The following PACSIN2 variants were observed in gnomAD, a reference collection of about 807,000 sequenced individuals.
PACSIN2 encodes protein kinase C and casein kinase substrate in neurons 2, also known as protein kinase C and casein kinase substrate in neurons protein 2.
PACSIN2 carries 25 observed loss-of-function variants against 63.8 expected under a neutral mutation model. The ratio of observed to expected loss-of-function variants is 0.39; its 90% CI spans 0.29 to 0.55. The LOEUF (loss-of-function observed/expected upper bound fraction) is 0.55. PACSIN2 is among the 20% of genes least tolerant of loss of function. PACSIN2 has a pLI of 0.62. For missense variants in PACSIN2, 518 were observed against 646.9 expected, an observed-to-expected ratio of 0.80 and a Z score of 2.16; for synonymous variants, 255 against 256.2, an observed-to-expected ratio of 1.00 and a Z score of 0.05.
chr22:43,004,811 G>A (rs991675264), intron 1 of PACSIN2, among the ~76,000 whole-genome samples: 1 of 152,190 alleles, frequency 6.6e-6, no homozygotes, highest in Non-Finnish European at 1.5e-5. Context: ...GGCCTCCCTG[G>A]GCGCTCTGGG....
chr22:42,922,255 C>A (rs1207365900), intron 1 of PACSIN2, among the ~76,000 whole-genome samples: 6 of 152,166 alleles, frequency 3.9e-5, no homozygotes, highest in Non-Finnish European at 8.8e-5. Context: ...CTCCTTCCTC[C>A]CCTTTGGGCT....
intron 1 of PACSIN2, among the ~76,000 whole-genome samples, chr22:42,996,856 G>A (rs1396125989): frequency 1.3e-5 from 2 of 152,200 alleles, no homozygotes; most frequent in African/African-American, 4.8e-5. Flanking sequence ...CTAGGTATGA[G>A]GCCTAGGCCC....
At position 42,879,175 on chromosome 22, in the gene PACSIN2, C is replaced by G. The variant is rs1165536633; in HGVS notation, c.907-6G>C. 1.2e-6 allele frequency: 2 copies of G among 1,612,160 alleles called. No individual in the cohort carries two copies. The highest frequency in any genetic ancestry group is 2.7e-5 in the African/African-American group (2 of 74,882). On this transcript the variant is annotated splice_region_variant and splice_polypyrimidine_tract_variant and intron_variant, in intron 7 of 10. Coordinates refer to ENST00000263246, the MANE Select transcript of PACSIN2 (RefSeq NM_001184970.3). The stretch of plus-strand genomic sequence containing the variant: ...TTCAGGTCTGCGGACCACTCCTAGG[C>G]AACAGGTGCCGAGGGAGAGAAACCA...
At chr22:42,982,869 TAAA>T (rs1252040629) in intron 1 of PACSIN2, among the ~76,000 whole-genome samples, 3 of 44,010 alleles carry the variant, frequency 6.8e-5, no homozygotes, top group African/African-American at 1.4e-4. Flanking sequence ...GAATGATCAA[TAAA>T]AAAAAAAAAA....
intron 8 of PACSIN2, 36 bp downstream of exon 8, chr22:42,879,012 A>G (rs1260608608): frequency 6.3e-7 from 1 of 1,599,110 alleles, no homozygotes; most frequent in Non-Finnish European, 8.5e-7. Context: ...CCCACCATGG[A>G]ACGGCCTCTT....
At chr22:43,010,377 TA>T (rs1924384464) in intron 1 of PACSIN2, among the ~76,000 whole-genome samples, 1 of 98,862 alleles carries the variant, frequency 1.0e-5, no homozygotes, top group African/African-American at 5.0e-5. Flanking sequence ...CATCTCTGTT[TA>T]AAAATACATA....
At chr22:42,927,370 G>A (rs968232930) in intron 1 of PACSIN2, among the ~76,000 whole-genome samples, 1 of 151,714 alleles carries the variant, frequency 6.6e-6, no homozygotes, top group Non-Finnish European at 1.5e-5. Context: ...TCAGCTTCCC[G>A]AGTAGCTGGG....
chr22:42,970,313 T>G (rs1921161030), intron 1 of PACSIN2, among the ~76,000 whole-genome samples: 1 of 152,174 alleles, frequency 6.6e-6, no homozygotes, highest in Non-Finnish European at 1.5e-5. Flanking sequence ...TGTGGGACTC[T>G]CCCCAAATTC....
intron 1 of PACSIN2, among the ~76,000 whole-genome samples, chr22:42,977,983 C>T (rs1308859677): frequency 6.6e-6 from 1 of 152,180 alleles, no homozygotes. Flanking sequence ...GGTACTCATA[C>T]ATTGCTAGTA....
At chr22:42,904,503 C>T (rs1352852168) in intron 2 of PACSIN2, among the ~76,000 whole-genome samples, 11 of 152,224 alleles carry the variant, frequency 7.2e-5, no homozygotes, top group Non-Finnish European at 1.2e-4. Flanking sequence ...GGTCCCTAAG[C>T]TCGCTGAAGA....
At chr22:42,983,489 C>CAAAAAAAAAAAAAAA (rs775403003) in intron 1 of PACSIN2, among the ~76,000 whole-genome samples, 1 of 82,296 alleles carries the variant, frequency 1.2e-5, no homozygotes, top group Non-Finnish European at 2.4e-5. Flanking sequence ...GACTCCATCT[C>CAAAAAAAAAAAAAAA]AAAAAAAAAA....
intron 10 of PACSIN2, among the ~76,000 whole-genome samples, chr22:42,872,671 T>C (rs1928254158): frequency 6.6e-6 from 1 of 152,002 alleles, no homozygotes; most frequent in Admixed American, 6.6e-5. Flanking sequence ...ACCAACTGCG[T>C]CCACTCCCTG....
intron 5 of PACSIN2, among the ~76,000 whole-genome samples, chr22:42,887,045 T>C (rs531886264): frequency 1.3e-5 from 2 of 152,330 alleles, no homozygotes; most frequent in South Asian, 2.1e-4. Flanking sequence ...CCTGATTCCC[T>C]GGGATTCTGG....
Position 43,001,544 on chromosome 22 carries a change from C to A in PACSIN2, c.-78+13477G>T, listed in dbSNP as rs139254738. Among the ~76,000 whole-genome samples, 28 of 152,332 alleles carry A rather than the reference C, an allele frequency of 1.8e-4. No homozygotes were observed. The East Asian group carries it at 5.4e-3, about 29-fold the overall frequency. Reference sequence around the variant, plus strand: ...GAAGCTGGGCAGCGCCTGGCAGAGCCAGTGCAGTCAGACGAGCCCTGAAGT... The same window carrying A: ...GAAGCTGGGCAGCGCCTGGCAGAGCAAGTGCAGTCAGACGAGCCCTGAAGT... On this transcript the variant is annotated intron_variant, in intron 1 of 10. Transcript: ENST00000263246.
chr22:42,920,841 C>T (rs1022347566), intron 1 of PACSIN2, among the ~76,000 whole-genome samples: 10 of 147,322 alleles, frequency 6.8e-5, no homozygotes, highest in African/African-American at 2.0e-4. Flanking sequence ...CTCGGTCTGC[C>T]GCCCAGGCTG....
At chr22:42,912,940 G>T (rs1276951680) in intron 1 of PACSIN2, among the ~76,000 whole-genome samples, 1 of 152,214 alleles carries the variant, frequency 6.6e-6, no homozygotes, top group African/African-American at 2.4e-5. Flanking sequence ...CAACAGGAAG[G>T]GGTGAGACAG....
rs1555943703 is a variant in PACSIN2, at chr22:42,982,888, A to AAACAAC, written c.-78+32127_-78+32132dup. ...GATCAATAAAAAAAAAAAAAAAAAA[A>AAACAAC]AACAACAACAAGGCTAGGAGCAGTG... On this transcript the variant is annotated intron_variant, in intron 1 of 10. Coordinates refer to ENST00000263246, the MANE Select transcript of PACSIN2 (RefSeq NM_001184970.3). Among the ~76,000 whole-genome samples, 498 of 104,458 alleles carry AAACAAC rather than the reference A, an allele frequency of 4.8e-3. 1 individual carries two copies. The highest frequency in any genetic ancestry group is 7.9e-3 in the Non-Finnish European group (376 of 47,336). 68.5% of individuals were successfully genotyped at this position (104,458 alleles called of 152,430 possible).
At chr22:42,969,002 G>C (rs1921039758) in intron 1 of PACSIN2, among the ~76,000 whole-genome samples, 1 of 151,852 alleles carries the variant, frequency 6.6e-6, no homozygotes, top group Non-Finnish European at 1.5e-5. Flanking sequence ...CTACAACCAT[G>C]TGAGCCAATT....
At chr22:42,912,304 T>C (rs575281481) in intron 1 of PACSIN2, 147 bp from the exon 2 acceptor site, 2 of 519,350 alleles carry the variant, frequency 3.9e-6, no homozygotes, top group Non-Finnish European at 6.7e-6. Context: ...AGAAAGCCAG[T>C]AGACTCTAAT....
Sources: allele counts gnomAD v4.1 joint callset (sites outside exome capture counted in the v4.1 genomes callset), GRCh38; gene constraint gnomAD v4.1.1; transcripts MANE v1.5; gene names NCBI Gene and HGNC (gene_info 2026-07-23, HGNC 2026-07-21).